The following MIDEAS variants were observed in gnomAD, a reference collection of about 807,000 sequenced individuals.
MIDEAS encodes the protein mitotic deacetylase-associated SANT domain protein.
In MIDEAS, 26 loss-of-function variants were observed where a neutral mutation model predicts 102.7. The observed-to-expected ratio is 0.25, with a 90% CI of 0.19 to 0.35. The LOEUF (loss-of-function observed/expected upper bound fraction) is 0.35, where lower values mean the gene tolerates loss of function less well. MIDEAS is among the 10% of genes least tolerant of loss of function. The pLI is 1.00. For synonymous variants in MIDEAS, 585 were observed against 591.0 expected, an observed-to-expected ratio of 0.99 and a Z score of 0.15; for missense variants, 1,231 against 1,435.6, an observed-to-expected ratio of 0.86 and a Z score of 2.30.
intron 1 of MIDEAS, among the ~76,000 whole-genome samples, chr14:73,779,206 G>A (rs2053722444): frequency 6.6e-6 from 1 of 151,690 alleles, no homozygotes. Flanking sequence ...GGCCAACATG[G>A]TGAAACCCTG....
chr14:73,764,027 T>C (rs10145360), upstream of MIDEAS, among the ~76,000 whole-genome samples: 4,430 of 152,270 alleles, frequency 0.029, 73 homozygotes, highest in African/African-American at 0.051. Flanking sequence ...CTCCCCAACC[T>C]AGGTTATCCC....
At chr14:73,722,998 C>T in intron 9 of MIDEAS, 151 bp from the exon 10 acceptor site, 1 of 758,888 alleles carries the variant, frequency 1.3e-6, no homozygotes, top group Non-Finnish European at 2.2e-6. Flanking sequence ...TTTTCCAATG[C>T]CTGCTCTGCA....
intron 1 of MIDEAS, among the ~76,000 whole-genome samples, chr14:73,779,082 A>G (rs1348415441): frequency 6.6e-6 from 1 of 151,920 alleles, no homozygotes; most frequent in Non-Finnish European, 1.5e-5. Flanking sequence ...AAACAAAAAA[A>G]CAAAATAGAA....
In MIDEAS at chr14:73,779,872, C is replaced by T. The variant is rs1016379187; in HGVS notation, c.-248+7230G>A. ...GATTACAGGCGTGAGCCACCGCGCCCGGCCTATTATTTTTTTTTGAGACAG... is the reference window on the plus strand; with the variant it reads ...GATTACAGGCGTGAGCCACCGCGCCTGGCCTATTATTTTTTTTTGAGACAG... On this transcript the variant is annotated intron_variant, in intron 1 of 11. Transcript: ENST00000394071. Among the ~76,000 whole-genome samples the T allele has an allele frequency of 2.7e-4, 39 of 144,834 alleles. 1 individual carries two copies. Among genetic ancestry groups the T allele is most frequent in the African/African-American group, 7.7e-5 (3 of 39,122 alleles).
intron 1 of MIDEAS, among the ~76,000 whole-genome samples, chr14:73,774,317 G>A (rs1276710239): frequency 6.6e-6 from 1 of 151,876 alleles, no homozygotes; most frequent in Non-Finnish European, 1.5e-5. Flanking sequence ...TGCAATTACT[G>A]TCAGGAGGAT....
At chr14:73,747,907 G>A (rs545879737) in intron 1 of MIDEAS, among the ~76,000 whole-genome samples, 2 of 152,288 alleles carry the variant, frequency 1.3e-5, no homozygotes, top group East Asian at 1.9e-4. Context: ...AGAGCCCTGA[G>A]GGGACTCTGC....
chr14:73,778,170 C>T (rs923779784), intron 1 of MIDEAS, among the ~76,000 whole-genome samples: 6 of 151,854 alleles, frequency 4.0e-5, no homozygotes, highest in Non-Finnish European at 7.4e-5. Flanking sequence ...GCCTGGCCAA[C>T]ATAGTGCAAC....
Position 73,717,213 on chromosome 14 carries a change from C to T in MIDEAS, c.*1630G>A, listed in dbSNP as rs1268830093. 6.6e-6 allele frequency: 1 copy of T among 152,236 alleles called. No individual in the cohort carries two copies. Among genetic ancestry groups the T allele is most frequent in the Admixed American group, 6.5e-5 (1 of 15,282 alleles). The allele number at this position is 152,236 out of a possible 1,614,324, so 9.4% of individuals were successfully genotyped here. The stretch of plus-strand genomic sequence containing the variant: ...GAGTAGCAGTATGAATACTTTCTGG[C>T]TCCTTCCTAATACGTTGACCTGTCA... On this transcript the variant is annotated 3_prime_UTR_variant, in exon 13 of 13. Transcript: ENST00000423556.
rs1436646811 is a variant in MIDEAS, at chr14:73,721,344, G to A, written c.2890C>T (p.Arg964Trp). The A allele has an allele frequency of 1.4e-5, 22 of 1,613,796 alleles. No homozygotes were observed. Among genetic ancestry groups the A allele is most frequent in the Non-Finnish European group, 1.7e-5 (20 of 1,180,020 alleles). Residue 964 changes from arginine (R) to tryptophan (W), a missense_variant, in exon 11 of 13, where the codon CGG (arginine) becomes TGG (tryptophan). Physicochemically the swap from Arg to Trp is moderately radical, Grantham distance 101. Coordinates refer to ENST00000423556, the MANE Select transcript of MIDEAS (RefSeq NM_001367710.1). ...TGCGTGGCTTTGACTGCCGCTGCCC[G>A]CCTGCTGCGCTCTCGCCCCTCTTCC... ...EQEEGRERSR[R>W]AAAVKATQTL...
At chr14:73,730,878 A>G (rs544808721) in intron 3 of MIDEAS, among the ~76,000 whole-genome samples, 1 of 152,292 alleles carries the variant, frequency 6.6e-6, no homozygotes, top group South Asian at 2.1e-4. Flanking sequence ...GAATCACTTG[A>G]ACCCGGGAGG....
At chr14:73,756,138 A>G (rs1269192297) in intron 1 of MIDEAS, among the ~76,000 whole-genome samples, 3 of 151,998 alleles carry the variant, frequency 2.0e-5, no homozygotes, top group African/African-American at 7.2e-5. Context: ...TCCACACACC[A>G]TCCAGGAACG....
chr14:73,727,888 C>T (rs1184881144), intron 4 of MIDEAS: 4 of 191,544 alleles, frequency 2.1e-5, no homozygotes, highest in Admixed American at 1.1e-4. Flanking sequence ...CTAACTCCAA[C>T]ATAAAGCTGT....
At chr14:73,757,163 T>C (rs947948238) in intron 1 of MIDEAS, among the ~76,000 whole-genome samples, 1 of 150,280 alleles carries the variant, frequency 6.7e-6, no homozygotes, top group Non-Finnish European at 1.5e-5. Context: ...TCCCAGCTAC[T>C]TGGGAGGCTG....
chr14:73,750,552 G>A (rs1301066857), intron 1 of MIDEAS, among the ~76,000 whole-genome samples: 2 of 152,214 alleles, frequency 1.3e-5, no homozygotes, highest in African/African-American at 2.4e-5. Context: ...CTGCAGAGGT[G>A]AGCTGGAGGC....
chr14:73,720,797 A>G (rs1475511048), intron 11 of MIDEAS, among the ~76,000 whole-genome samples: 1 of 152,166 alleles, frequency 6.6e-6, no homozygotes, highest in African/African-American at 2.4e-5. Context: ...CTGCAGTGTG[A>G]GGAACTAATG....
upstream of MIDEAS, among the ~76,000 whole-genome samples, chr14:73,765,195 G>A (rs1175194315): frequency 6.6e-6 from 1 of 152,234 alleles, no homozygotes; most frequent in Non-Finnish European, 1.5e-5. Flanking sequence ...AGGAACTCCA[G>A]AGACCCAATG....
In MIDEAS at chr14:73,759,026, T is replaced by A. The variant is rs571064515; in HGVS notation, c.-248+737A>T. Among the ~76,000 whole-genome samples the A allele has an allele frequency of 6.6e-6, 1 of 151,890 alleles. No homozygotes were observed. The highest frequency in any genetic ancestry group is 2.4e-5 in the African/African-American group (1 of 41,436). On this transcript the variant is annotated intron_variant, in intron 1 of 12. Coordinates refer to ENST00000423556, the MANE Select transcript of MIDEAS (RefSeq NM_001367710.1). This position sits in a 1 kb window ranked among gnomAD's most constrained non-coding sequence, Gnocchi z 6.7. ...GCCGCCAGGCACCAGGGAACACAGC[T>A]CCCCGCGAGGCACCGCGCGGGCTGG...
At chr14:73,773,898 T>G (rs2053665186) in intron 1 of MIDEAS, among the ~76,000 whole-genome samples, 1 of 151,262 alleles carries the variant, frequency 6.6e-6, no homozygotes, top group Non-Finnish European at 1.5e-5. Flanking sequence ...GGTGGGCGCC[T>G]GTAGTCCCAG....
chr14:73,788,571 C>T (rs1023351925), upstream of MIDEAS, among the ~76,000 whole-genome samples: 4 of 152,314 alleles, frequency 2.6e-5, no homozygotes, highest in Non-Finnish European at 2.9e-5. Flanking sequence ...GCAGCTGCTA[C>T]GCCCTAGTTC....
Sources: allele counts gnomAD v4.1 joint callset (sites outside exome capture counted in the v4.1 genomes callset), GRCh38; gene constraint gnomAD v4.1.1; non-coding constraint Gnocchi (gnomAD v3.1); transcripts MANE v1.5; gene names NCBI Gene and HGNC (gene_info 2026-07-23, HGNC 2026-07-21).